Variants in HPS4 observed in about 807,000 individuals in gnomAD.
The protein encoded by HPS4 is HPS4 biogenesis of lysosomal organelles complex 3 subunit 2, also known as BLOC-3 complex member HPS4.
Under a neutral mutation model 70.3 loss-of-function variants are expected in HPS4, and 44 were observed. The observed-to-expected ratio is 0.63, with a 90% confidence interval of 0.49 to 0.80. HPS4 has a LOEUF of 0.80. HPS4 is among the 30% of genes least tolerant of loss of function. The probability of loss-of-function intolerance (pLI) is 0.00; values close to 1 mark genes in which losing one functional copy is unlikely to be tolerated. For missense variants in HPS4, 873 were observed against 884.4 expected (o/e 0.99, Z 0.16); for synonymous variants, 377 against 355.9 (o/e 1.06, Z -0.67).
chr22:26,464,584 A>G lies in HPS4; in HGVS notation c.1046T>C (p.Val349Ala), dbSNP rs1437495835. Residue 349 changes from valine (V) to alanine (A), a missense_variant, in exon 11 of 14, where the codon GTT becomes GCT. Transcript: ENST00000398145. ...AGLHNSARGE[V>A]LGLSSSLGKE... ...CCCCAGGGAGGAGCTGAGGCCAAGA[A>G]CCTCACCCCTGGCAGAGTTGTGCAG... 1.2e-6 allele frequency: 2 copies of G among 1,613,794 alleles called. No individual in the cohort carries two copies. Among genetic ancestry groups the G allele is most frequent in the Non-Finnish European group, 1.7e-6 (2 of 1,179,972 alleles).
At chr22:26,458,339 ACT>A in intron 12 of HPS4, 104 bp downstream of exon 12, 3 of 1,426,838 alleles carry the variant, frequency 2.1e-6, no homozygotes, top group Admixed American at 3.4e-5. Flanking sequence ...AGGTCAGACA[ACT>A]CTGTGCACAG....
In HPS4 at chr22:26,462,049, C is replaced by T. The variant is rs569413957; in HGVS notation, c.1713+1868G>A. 9.9e-5 allele frequency among the ~76,000 whole-genome samples: 15 copies of T among 151,418 alleles called. 1 individual carries two copies. In the Middle Eastern group the frequency reaches 0.01, roughly 103 times the overall value. On this transcript the variant is annotated intron_variant, in intron 11 of 13. Coordinates refer to ENST00000398145, the MANE Select transcript of HPS4 (RefSeq NM_022081.6). ...GTTGAGGTAGGAGAACCGCTTGAAC[C>T]GGGGAGGCGGAGGTTGCAGTGAGCT... is the stretch of plus-strand genomic sequence containing the variant.
chr22:26,468,471 T>C, intron 8 of HPS4, 80 bp downstream of exon 8: 4 of 1,254,578 alleles, frequency 3.2e-6, no homozygotes, highest in Non-Finnish European at 4.6e-6. Flanking sequence ...CGGCCTCTGC[T>C]CCTGATCCCT....
chr22:26,451,999 CGCGCG>C lies in HPS4; in HGVS notation c.*1229_*1233del, dbSNP rs2085286426. ...TGCGCCCACGTTACGCGCGCGCGCGCGCGCGCACACACACACACACACACACACAC... is the reference window on the plus strand; with the variant it reads ...TGCGCCCACGTTACGCGCGCGCGCGCCACACACACACACACACACACACAC... On this transcript the variant is annotated 3_prime_UTR_variant, in exon 14 of 14. Transcript: ENST00000398145. 8.9e-5 allele frequency: 8 copies of C among 89,606 alleles called. No homozygotes were observed. The East Asian group carries it at 1.6e-3, about 18-fold the overall frequency. The allele number at this position is 89,606 out of a possible 1,614,324, so 5.6% of individuals were successfully genotyped here.
In HPS4 at chr22:26,460,020, G is replaced by A. The variant is rs190572430; in HGVS notation, c.1714-1443C>T. On this transcript the variant is annotated intron_variant, in intron 11 of 13. Transcript: ENST00000398145. ...ATGAAGCTTACATGTTATTTTGGGA[G>A]TATATTGGTGTTAAATCAGTTTTCC... is the stretch of plus-strand genomic sequence containing the variant. 5.6e-4 allele frequency among the ~76,000 whole-genome samples: 85 copies of A among 152,330 alleles called. 2 individuals are homozygous for A. The highest frequency in any genetic ancestry group is 3.4e-3 in the Middle Eastern group (1 of 294).
At chr22:26,447,840 T>C (rs2085005685), downstream of HPS4, among the ~76,000 whole-genome samples, 1 of 152,160 alleles carries the variant, frequency 6.6e-6, no homozygotes, top group Non-Finnish European at 1.5e-5. Flanking sequence ...GCTTCTAACT[T>C]CTGGGTACCT....
At chr22:26,474,678 A>T (rs2090283858) in intron 4 of HPS4, among the ~76,000 whole-genome samples, 1 of 152,246 alleles carries the variant, frequency 6.6e-6, no homozygotes, top group Non-Finnish European at 1.5e-5. Flanking sequence ...TTATTTTAAA[A>T]AGATGTATCT....
At chr22:26,467,746 GA>G (rs1466012085) in intron 8 of HPS4, 1 of 152,122 alleles carries the variant, frequency 6.6e-6, no homozygotes, top group Non-Finnish European at 1.5e-5. Flanking sequence ...ACTGGAAGGA[GA>G]TATGCCAGAT....
intron 13 of HPS4, among the ~76,000 whole-genome samples, chr22:26,454,723 T>A (rs2085783132): frequency 6.6e-6 from 1 of 152,084 alleles, no homozygotes; most frequent in Non-Finnish European, 1.5e-5. Flanking sequence ...AAGCCAAAAT[T>A]GACAAATGGG....
At chr22:26,473,324 C>G (rs1006533475) in intron 4 of HPS4, among the ~76,000 whole-genome samples, 1 of 152,134 alleles carries the variant, frequency 6.6e-6, no homozygotes, top group Non-Finnish European at 1.5e-5. Context: ...AATCTGGATT[C>G]CATTACAAAC....
chr22:26,458,655 A>G, intron 11 of HPS4, 78 bp from the exon 12 acceptor site: 1 of 1,555,092 alleles, frequency 6.4e-7, no homozygotes, highest in East Asian at 2.3e-5. Flanking sequence ...CCACAGACTT[A>G]GTTAAAAAAA....
downstream of HPS4, among the ~76,000 whole-genome samples, chr22:26,449,653 CCT>C (rs34662643): frequency 0.45 from 67,865 of 151,710 alleles, 15,597 homozygotes; most frequent in East Asian, 0.49. Context: ...TAAAGGCTCC[CCT>C]GTGCCCCGCG....
rs10573454 is a variant in HPS4 at position 26,451,986 on chromosome 22, ACGCGCGCGCGCG to A, written c.*1235_*1246del. On this transcript the variant is annotated 3_prime_UTR_variant, in exon 14 of 14. Coordinates refer to ENST00000398145, the MANE Select transcript of HPS4 (RefSeq NM_022081.6). ...AGGAAAAGAGGGATGCGCCCACGTT[ACGCGCGCGCGCG>A]CGCGCGCACACACACACACACACAC... The A allele has an allele frequency of 4.4e-4, 65 of 149,144 alleles. 1 individual carries two copies. The highest frequency in any genetic ancestry group is 3.1e-3 in the Middle Eastern group (1 of 322). The allele number at this position is 149,144 out of a possible 1,614,324, so 9.2% of individuals were successfully genotyped here.
At position 26,470,782 on chromosome 22, in the gene HPS4, C is replaced by T. The variant is rs377042228; in HGVS notation, c.533G>A (p.Arg178His). The T allele has an allele frequency of 5.0e-6, 8 of 1,614,050 alleles. No individual in the cohort carries two copies. Among genetic ancestry groups the T allele is most frequent in the Admixed American group, 3.3e-5 (2 of 59,994 alleles). ...CGAGCGCTGGCAGGTCTGCAGAATG[C>T]GGGCTGCCTTCAGCAACAACAGGGG... Reference protein sequence around the residue: ...VEPLLLLKAARILQTCQRSPH... With the variant: ...VEPLLLLKAAHILQTCQRSPH... The change falls in exon 7 of 14, where the codon CGC becomes CAC. Residue 178 changes from arginine (R) to histidine (H), a missense_variant. Coordinates refer to ENST00000398145, the MANE Select transcript of HPS4 (RefSeq NM_022081.6).
intron 8 of HPS4, chr22:26,466,495 C>T: frequency 1.6e-6 from 1 of 616,242 alleles, no homozygotes; most frequent in South Asian, 1.9e-5. Context: ...AAGGCAGCAG[C>T]TCCACCCAAA....
chr22:26,477,192 CA>C lies in HPS4; in HGVS notation c.133-57del, dbSNP rs1271922622. On this transcript the variant is annotated intron_variant, in intron 3 of 13. Coordinates refer to ENST00000398145, the MANE Select transcript of HPS4 (RefSeq NM_022081.6). ...AGCTGAAATTCTTGAACTCTTAAGT[CA>C]TTTCTTACAGCATACTAAAGCCTGC... 3.8e-6 allele frequency: 6 copies of C among 1,593,056 alleles called. No individual in the cohort carries two copies. In the African/African-American group the frequency reaches 5.4e-5, roughly 14 times the overall value.
At position 26,464,278 on chromosome 22, in the gene HPS4, C is replaced by A; in HGVS notation, c.1352G>T (p.Ser451Ile). ...GTCTGCTCTGGGAATGGGGGCTTGGCTGCTATGGCCAGGATGGTCTTCGAG... is the reference window on the plus strand; with the variant it reads ...GTCTGCTCTGGGAATGGGGGCTTGGATGCTATGGCCAGGATGGTCTTCGAG... ...EQLEDHPGHS[S>I]QAPIPRADPL... is the part of the protein sequence containing the mutation. The change falls in exon 11 of 14, where the codon AGC becomes ATC. Residue 451 changes from serine (S) to isoleucine (I), a missense_variant. Transcript: ENST00000398145. 1 of 1,614,090 alleles carries A rather than the reference C, an allele frequency of 6.2e-7. No individual in the cohort carries two copies.
At chr22:26,445,266 G>A (rs929030159) in intron 3 of HPS4, among the ~76,000 whole-genome samples, 2 of 152,112 alleles carry the variant, frequency 1.3e-5, no homozygotes, top group Non-Finnish European at 2.9e-5. Flanking sequence ...CCTGGGAGGC[G>A]GGGGCTGCAG....
chr22:26,448,120 A>G (rs1304497950), downstream of HPS4, among the ~76,000 whole-genome samples: 1 of 152,154 alleles, frequency 6.6e-6, no homozygotes, highest in Non-Finnish European at 1.5e-5. Flanking sequence ...TGAAGTCTGG[A>G]CACACATCCA....
Sources: gnomAD v4.1 joint callset for allele counts (sites outside exome capture counted in the v4.1 genomes callset) on GRCh38, gnomAD v4.1.1 for gene constraint, MANE v1.5 for transcripts, NCBI Gene and HGNC (gene_info 2026-07-23, HGNC 2026-07-21) for gene names.